The following CAST variants were observed in gnomAD, a reference collection of about 807,000 sequenced individuals.
CAST encodes the protein MIR583 host.
Under a neutral mutation model 119.6 loss-of-function variants are expected in CAST, and 76 were observed. That is an observed-to-expected ratio of 0.64 (90% CI 0.53 to 0.77). CAST has a LOEUF of 0.77. CAST is among the 30% of genes least tolerant of loss of function. The probability of loss-of-function intolerance (pLI) is 0.00; values close to 1 mark genes in which losing one functional copy is unlikely to be tolerated. For missense variants in CAST, 953 were observed against 946.5 expected (o/e 1.01, Z -0.09); for synonymous variants, 319 against 331.6 (o/e 0.96, Z 0.41).
chr5:96,159,744 TTA>T, the CAST span, among the ~76,000 whole-genome samples: 1 of 152,210 alleles, frequency 6.6e-6, no homozygotes, highest in Non-Finnish European at 1.5e-5. Flanking sequence ...GTCCACTATT[TTA>T]TGTTTTATTT....
the CAST span, among the ~76,000 whole-genome samples, chr5:96,086,926 G>A: frequency 2.0e-5 from 3 of 152,158 alleles, no homozygotes; most frequent in African/African-American, 7.2e-5. Flanking sequence ...GGCATATTTG[G>A]TTGAGGTCTA....
At chr5:96,147,944 A>T in the CAST span, among the ~76,000 whole-genome samples, 1 of 152,238 alleles carries the variant, frequency 6.6e-6, no homozygotes, top group East Asian at 1.9e-4. Flanking sequence ...AGTATTAGAA[A>T]ATGTGGTACA....
the CAST span, among the ~76,000 whole-genome samples, chr5:96,020,694 T>C: frequency 0.64 from 97,101 of 152,036 alleles, 31,170 homozygotes; most frequent in Middle Eastern, 0.7. Flanking sequence ...AAAACAAGCT[T>C]AGGGCTGCCA....
chr5:95,961,663 C>G, the CAST span: 10 of 1,609,676 alleles, frequency 6.2e-6, no homozygotes, highest in African/African-American at 1.3e-5. Context: ...CCCCAGCCGT[C>G]CGCACGACAG....
the CAST span, among the ~76,000 whole-genome samples, chr5:96,455,075 G>A: frequency 1.2e-4 from 18 of 152,020 alleles, no homozygotes; most frequent in African/African-American, 4.1e-4. Context: ...AAATAATAAC[G>A]CAGGCATATG....
the CAST span, chr5:96,390,322 G>A: frequency 6.6e-6 from 1 of 152,174 alleles, no homozygotes; most frequent in Non-Finnish European, 1.5e-5. Context: ...CAATAAAAGA[G>A]GGAGATCTTG....
chr5:96,352,695 G>T, the CAST span, among the ~76,000 whole-genome samples: 2 of 152,120 alleles, frequency 1.3e-5, no homozygotes, highest in African/African-American at 4.8e-5. Flanking sequence ...AATATGGTTT[G>T]GTTCTCTGTC....
chr5:96,559,142 T>C (rs1420016445), intron 1 of CAST, among the ~76,000 whole-genome samples: 1 of 152,054 alleles, frequency 6.6e-6, no homozygotes, highest in Non-Finnish European at 1.5e-5. Context: ...AAAACGCCTT[T>C]GACAAAATTC....
intron 2 of CAST, among the ~76,000 whole-genome samples, chr5:96,688,717 G>T (rs1253749247): frequency 6.6e-6 from 1 of 152,074 alleles, no homozygotes; most frequent in Non-Finnish European, 1.5e-5. Context: ...TGTCTTGGAT[G>T]ACAGGATTTT....
chr5:96,374,487 A>G, the CAST span, among the ~76,000 whole-genome samples: 1 of 152,192 alleles, frequency 6.6e-6, no homozygotes, highest in Non-Finnish European at 1.5e-5. Context: ...TCAAGGTGTG[A>G]AAGGTAAGGG....
chr5:96,140,781 A>G, the CAST span, among the ~76,000 whole-genome samples: 1 of 152,184 alleles, frequency 6.6e-6, no homozygotes, highest in South Asian at 2.1e-4. Flanking sequence ...ACCATGACAC[A>G]TAAGGCCTTT....
At chr5:96,743,223 C>T (rs1397539071) in intron 16 of CAST, among the ~76,000 whole-genome samples, 3 of 152,210 alleles carry the variant, frequency 2.0e-5, no homozygotes, top group Non-Finnish European at 4.4e-5. Context: ...CTAACTAGAG[C>T]TCCTGCATAT....
At chr5:95,983,000 A>G in the CAST span, among the ~76,000 whole-genome samples, 2 of 152,208 alleles carry the variant, frequency 1.3e-5, no homozygotes, top group South Asian at 2.1e-4. Flanking sequence ...AATTCTATAT[A>G]TGTTCACTAA....
chr5:96,438,475 T>A, the CAST span, among the ~76,000 whole-genome samples: 1 of 152,212 alleles, frequency 6.6e-6, no homozygotes, highest in Non-Finnish European at 1.5e-5. Context: ...GGTTATTATG[T>A]CTCCTCCAAA....
At chr5:96,043,330 C>A in the CAST span, among the ~76,000 whole-genome samples, 88 of 152,186 alleles carry the variant, frequency 5.8e-4, no homozygotes, top group Non-Finnish European at 1.2e-4. Flanking sequence ...CAATAAGGGA[C>A]ATCAAATTGA....
chr5:96,525,793 T>C (rs1745589242), upstream of CAST, among the ~76,000 whole-genome samples: 1 of 152,220 alleles, frequency 6.6e-6, no homozygotes, highest in Admixed American at 6.5e-5. Context: ...TGCGCTGTGC[T>C]GCAAAGGTTG....
chr5:96,362,185 A>G, the CAST span, among the ~76,000 whole-genome samples: 1 of 152,080 alleles, frequency 6.6e-6, no homozygotes, highest in Non-Finnish European at 1.5e-5. Flanking sequence ...ATGGCTGCAT[A>G]GTATTCCATG....
At chr5:96,425,358 G>T in the CAST span, among the ~76,000 whole-genome samples, 1 of 152,154 alleles carries the variant, frequency 6.6e-6, no homozygotes, top group Non-Finnish European at 1.5e-5. Context: ...GACTTTTCTT[G>T]TGTTCCTTCT....
intron 1 of CAST, among the ~76,000 whole-genome samples, chr5:96,567,323 G>A (rs1463745559): frequency 6.6e-6 from 1 of 152,026 alleles, no homozygotes; most frequent in Non-Finnish European, 1.5e-5. Context: ...GATTTATAAC[G>A]CGCCCAACAG....
Sources: allele counts gnomAD v4.1 joint callset (sites outside exome capture counted in the v4.1 genomes callset), GRCh38; gene constraint gnomAD v4.1.1; transcripts MANE v1.5; gene names NCBI Gene and HGNC (gene_info 2026-07-23, HGNC 2026-07-21).